The following XKR6 variants were observed in gnomAD, a reference collection of about 807,000 sequenced individuals.
XKR6 encodes the protein XK related 6.
In XKR6, 22 loss-of-function variants were observed where a neutral mutation model predicts 56.7. The ratio of observed to expected loss-of-function variants is 0.39; its 90% CI spans 0.28 to 0.55. The LOEUF (loss-of-function observed/expected upper bound fraction) is 0.55, where lower values mean the gene tolerates loss of function less well. Among genes scored for constraint, XKR6 ranks in the 20% least tolerant of loss-of-function variants. The pLI is 0.66. For synonymous variants in XKR6, 524 were observed against 387.8 expected (o/e 1.35, Z -4.13); for missense variants, 852 against 889.0 (o/e 0.96, Z 0.53).
chr8:11,160,932 GA>G (rs1327575915), intron 1 of XKR6, among the ~76,000 whole-genome samples: 2 of 101,834 alleles, frequency 2.0e-5, no homozygotes, highest in East Asian at 4.6e-4. Flanking sequence ...AAAAAAAAAA[GA>G]AAAAAAAAGG....
chr8:11,028,917 T>G (rs1798930057), intron 1 of XKR6, among the ~76,000 whole-genome samples: 1 of 152,188 alleles, frequency 6.6e-6, no homozygotes, highest in South Asian at 2.1e-4. Context: ...GTGAACTCTC[T>G]GCAGGTGGCC....
intron 1 of XKR6, among the ~76,000 whole-genome samples, chr8:11,038,237 G>C (rs1343463140): frequency 6.6e-6 from 1 of 152,138 alleles, no homozygotes; most frequent in African/African-American, 2.4e-5. Flanking sequence ...TTAGCGGTGA[G>C]CTTGTGTAGG....
intron 1 of XKR6, among the ~76,000 whole-genome samples, chr8:10,988,145 T>C (rs1797905679): frequency 6.6e-6 from 1 of 152,092 alleles, no homozygotes; most frequent in Non-Finnish European, 1.5e-5. Context: ...CATCCCCTGC[T>C]TTGTTTTTTG....
intron 2 of XKR6, among the ~76,000 whole-genome samples, chr8:10,920,674 A>T (rs938038861): frequency 6.6e-6 from 1 of 152,246 alleles, no homozygotes; most frequent in Admixed American, 6.5e-5. Context: ...CGTGATGAGG[A>T]CACGACTCTA....
intron 1 of XKR6, among the ~76,000 whole-genome samples, chr8:11,049,616 C>A (rs568687744): frequency 6.6e-6 from 1 of 152,262 alleles, no homozygotes; most frequent in Non-Finnish European, 1.5e-5. Context: ...GCAGCGAGAC[C>A]CATCCTGCAA....
intron 1 of XKR6, among the ~76,000 whole-genome samples, chr8:10,933,425 G>T (rs868315271): frequency 8.4e-6 from 1 of 119,654 alleles, no homozygotes. Flanking sequence ...GTCAATTTTG[G>T]CTTTGGTTGC....
At chr8:10,917,761 G>A (rs1800600794) in intron 2 of XKR6, among the ~76,000 whole-genome samples, 1 of 152,226 alleles carries the variant, frequency 6.6e-6, no homozygotes, top group South Asian at 2.1e-4. Flanking sequence ...TATTGGAAAT[G>A]TAGGGCACTG....
At chr8:11,051,639 C>A (rs1799550843) in intron 1 of XKR6, among the ~76,000 whole-genome samples, 1 of 152,166 alleles carries the variant, frequency 6.6e-6, no homozygotes, top group Middle Eastern at 3.2e-3. Context: ...TCTGCATCTG[C>A]CGGCTTCTCC....
In XKR6 at chr8:11,106,863, A is replaced by AAAAAAAAAAAAAAAAAAAAAAAG. The variant is rs60435831; in HGVS notation, c.764+93712_764+93713insCTTTTTTTTTTTTTTTTTTTTTT. On this transcript the variant is annotated intron_variant, in intron 1 of 2. Transcript: ENST00000416569. Reference sequence around the variant, plus strand: ...GAGACTTCATCTCAAAAAAAAAAAAAAATAAAAAAGATACAACGTTACAAA... The same window carrying AAAAAAAAAAAAAAAAAAAAAAAG: ...GAGACTTCATCTCAAAAAAAAAAAAAAAAAAAAAAAAAAAAAAAAAAAGAATAAAAAAGATACAACGTTACAAA... Among the ~76,000 whole-genome samples, 49 of 109,906 alleles carry AAAAAAAAAAAAAAAAAAAAAAAG rather than the reference A, an allele frequency of 4.5e-4. 5 individuals carry two copies. Among genetic ancestry groups the AAAAAAAAAAAAAAAAAAAAAAAG allele is most frequent in the African/African-American group, 1.3e-3 (28 of 21,626 alleles). 72.1% of individuals were successfully genotyped at this position (109,906 alleles called of 152,430 possible).
chr8:11,115,047 G>C (rs1799107194), intron 1 of XKR6, among the ~76,000 whole-genome samples: 1 of 152,116 alleles, frequency 6.6e-6, no homozygotes, highest in East Asian at 1.9e-4. Flanking sequence ...TTCCTAATTT[G>C]AGGTCTCAAG....
intron 1 of XKR6, among the ~76,000 whole-genome samples, chr8:10,946,877 C>T (rs1190779541): frequency 6.6e-6 from 1 of 152,084 alleles, no homozygotes. Flanking sequence ...GCTGAGTGCT[C>T]AAGGATGGGG....
At chr8:11,008,603 G>A (rs1469263342) in intron 1 of XKR6, among the ~76,000 whole-genome samples, 2 of 151,520 alleles carry the variant, frequency 1.3e-5, no homozygotes, top group African/African-American at 4.9e-5. Context: ...TCTTTTTTTA[G>A]TACATACGAC....
chr8:11,013,862 G>A (rs555451876), intron 1 of XKR6, among the ~76,000 whole-genome samples: 32 of 152,306 alleles, frequency 2.1e-4, no homozygotes, highest in African/African-American at 7.0e-4. Context: ...TCCTGACCAC[G>A]GCCCTGCCTT....
At chr8:11,179,154 G>C (rs1228928321) in intron 1 of XKR6, among the ~76,000 whole-genome samples, 2 of 150,012 alleles carry the variant, frequency 1.3e-5, no homozygotes. Context: ...ATCACACCCA[G>C]CCCTCTTCTT....
intron 1 of XKR6, among the ~76,000 whole-genome samples, chr8:11,053,456 T>G (rs1475675297): frequency 6.6e-6 from 1 of 152,190 alleles, no homozygotes; most frequent in African/African-American, 2.4e-5. Context: ...CCCAGAGAGC[T>G]GCATCTCTTC....
chr8:11,184,327 G>C lies in XKR6; in HGVS notation c.764+16249C>G, dbSNP rs11782747. 4.3e-3 allele frequency among the ~76,000 whole-genome samples: 650 copies of C among 151,788 alleles called. 1 individual carries two copies. Among genetic ancestry groups the C allele is most frequent in the Non-Finnish European group, 6.7e-3 (458 of 67,964 alleles). ...ACTGGTGGAGATACTATGTAAAGGA[G>C]CTTTTAAATTATTAAATAGCCTCTA... On this transcript the variant is annotated intron_variant, in intron 1 of 2. Coordinates refer to ENST00000416569, the MANE Select transcript of XKR6 (RefSeq NM_173683.4).
chr8:11,198,276 CA>C (rs1259127244), intron 1 of XKR6, among the ~76,000 whole-genome samples: 1 of 152,124 alleles, frequency 6.6e-6, no homozygotes, highest in Admixed American at 6.5e-5. Flanking sequence ...TGCAGTATTT[CA>C]AGCAAAACCA....
At chr8:11,099,563 C>T (rs146460155) in intron 1 of XKR6, among the ~76,000 whole-genome samples, 38 of 152,200 alleles carry the variant, frequency 2.5e-4, no homozygotes, top group African/African-American at 9.1e-4. Flanking sequence ...AACTCCTTTA[C>T]TTTCTTTACT....
At chr8:11,152,949 T>C (rs1290322530) in intron 1 of XKR6, among the ~76,000 whole-genome samples, 2 of 152,244 alleles carry the variant, frequency 1.3e-5, no homozygotes, top group Admixed American at 6.5e-5. Context: ...CCCACAGATC[T>C]GCACTAGCTC....
Sources: allele counts gnomAD v4.1 joint callset (sites outside exome capture counted in the v4.1 genomes callset), GRCh38; gene constraint gnomAD v4.1.1; transcripts MANE v1.5; gene names NCBI Gene and HGNC (gene_info 2026-07-23, HGNC 2026-07-21).